The following DLG2 variants were observed in gnomAD, a reference collection of about 807,000 sequenced individuals.
The protein encoded by DLG2 is discs large MAGUK scaffold protein 2, also known as disks large homolog 2.
Under a neutral mutation model 132.5 loss-of-function variants are expected in DLG2, and 45 were observed. The ratio of observed to expected loss-of-function variants is 0.34; its 90% CI spans 0.27 to 0.44. The LOEUF (loss-of-function observed/expected upper bound fraction) is 0.44. Ranked by LOEUF, DLG2 falls within the 20% of genes least tolerant of loss-of-function variation. The pLI is 1.00. For synonymous variants in DLG2, 424 were observed against 419.6 expected (o/e 1.01, Z -0.13); for missense variants, 1,045 against 1,196.9 (o/e 0.87, Z 1.87).
At chr11:85,428,990 C>T (rs2090978197) in intron 3 of DLG2, among the ~76,000 whole-genome samples, 1 of 152,250 alleles carries the variant, frequency 6.6e-6, no homozygotes, top group Admixed American at 6.5e-5. Context: ...TCAGAGAATA[C>T]TATAAACACC....
At chr11:84,557,936 A>G (rs1473142556) in intron 6 of DLG2, among the ~76,000 whole-genome samples, 2 of 152,122 alleles carry the variant, frequency 1.3e-5, no homozygotes, top group Admixed American at 6.6e-5. Context: ...TTTACAAACT[A>G]TCAGCAACAT....
intron 17 of DLG2, among the ~76,000 whole-genome samples, chr11:83,810,139 G>T (rs1565159350): frequency 6.6e-6 from 1 of 152,036 alleles, no homozygotes; most frequent in Non-Finnish European, 1.5e-5. Context: ...TTTCAGGCTT[G>T]TGAGTGTTTG....
At chr11:83,648,687 T>C (rs2069040125) in intron 18 of DLG2, among the ~76,000 whole-genome samples, 1 of 152,162 alleles carries the variant, frequency 6.6e-6, no homozygotes, top group African/African-American at 2.4e-5. Context: ...TTAATATTAC[T>C]ACTACAATAT....
intron 3 of DLG2, among the ~76,000 whole-genome samples, chr11:85,461,144 C>G (rs891660653): frequency 1.3e-5 from 2 of 152,126 alleles, no homozygotes; most frequent in African/African-American, 4.8e-5. Flanking sequence ...CCAGGGAATC[C>G]AGCATATCAA....
intron 7 of DLG2, among the ~76,000 whole-genome samples, chr11:84,455,785 T>C (rs569622309): frequency 3.6e-4 from 54 of 151,420 alleles, no homozygotes; most frequent in African/African-American, 1.3e-3. Context: ...GGACTCCACA[T>C]CCAGGAACAT....
intron 3 of DLG2, among the ~76,000 whole-genome samples, chr11:85,449,939 C>T (rs2092171400): frequency 6.6e-6 from 1 of 151,988 alleles, no homozygotes; most frequent in Admixed American, 6.6e-5. Flanking sequence ...ACCAGCCTGA[C>T]CAACATGGAG....
rs185939828 is a variant in DLG2 at position 84,932,018 on chromosome 11, G to C, written c.357+179643C>G. 1.7e-4 allele frequency among the ~76,000 whole-genome samples: 26 copies of C among 152,182 alleles called. No homozygotes were observed. The East Asian group carries it at 4.6e-3, about 27-fold the overall frequency. On this transcript the variant is annotated intron_variant, in intron 6 of 27. Coordinates refer to ENST00000376104, the MANE Select transcript of DLG2 (RefSeq NM_001142699.3). The stretch of plus-strand genomic sequence containing the variant: ...AGCTCCTTACACATGCTTATTATTA[G>C]ACCTTTGTTGAATGAATACTTTGCA...
At chr11:83,735,851 C>A (rs952556591) in intron 18 of DLG2, among the ~76,000 whole-genome samples, 3 of 152,074 alleles carry the variant, frequency 2.0e-5, no homozygotes, top group African/African-American at 7.2e-5. Context: ...AAAGACAGGT[C>A]CAGGGAAATG....
intron 18 of DLG2, among the ~76,000 whole-genome samples, chr11:83,633,782 A>ACACACACACAC (rs1555268407): frequency 2.7e-5 from 4 of 148,012 alleles, no homozygotes; most frequent in South Asian, 2.2e-4. Context: ...ACACACACAC[A>ACACACACACAC]ACTGCGGAAA....
At chr11:84,471,788 T>C (rs2099109095) in intron 7 of DLG2, among the ~76,000 whole-genome samples, 1 of 151,788 alleles carries the variant, frequency 6.6e-6, no homozygotes, top group African/African-American at 2.4e-5. Flanking sequence ...CCTACTTTCT[T>C]GTAAAACTCT....
chr11:83,697,399 G>T (rs2082125408), intron 18 of DLG2, among the ~76,000 whole-genome samples: 1 of 152,204 alleles, frequency 6.6e-6, no homozygotes, highest in Admixed American at 6.5e-5. Context: ...CTGGCTTGTT[G>T]TAATACTAAT....
intron 21 of DLG2, among the ~76,000 whole-genome samples, chr11:83,518,239 C>A (rs1003887523): frequency 1.3e-5 from 2 of 152,222 alleles, no homozygotes. Context: ...CCTCCCCCAG[C>A]CTTGCTGCCA....
intron 6 of DLG2, among the ~76,000 whole-genome samples, chr11:84,969,155 A>G (rs1442410332): frequency 1.3e-5 from 2 of 152,152 alleles, no homozygotes; most frequent in Non-Finnish European, 2.9e-5. Flanking sequence ...TAATACCTTA[A>G]TAACATTTTG....
At chr11:83,613,075 T>G (rs1408567860) in intron 19 of DLG2, among the ~76,000 whole-genome samples, 1 of 152,160 alleles carries the variant, frequency 6.6e-6, no homozygotes, top group African/African-American at 2.4e-5. Context: ...GCCAACCAAT[T>G]GCAGAGGCCT....
At chr11:84,289,957 G>A (rs1259049249) in intron 7 of DLG2, among the ~76,000 whole-genome samples, 1 of 152,094 alleles carries the variant, frequency 6.6e-6, no homozygotes, top group East Asian at 1.9e-4. Context: ...ATTACATAAG[G>A]GGCTTGCAGA....
intron 3 of DLG2, among the ~76,000 whole-genome samples, chr11:85,468,272 T>C (rs2092867565): frequency 6.6e-6 from 1 of 152,216 alleles, no homozygotes; most frequent in African/African-American, 2.4e-5. Context: ...GCTCCTGGAT[T>C]CATTGATTTT....
chr11:84,339,922 A>C (rs1261704997), intron 7 of DLG2, among the ~76,000 whole-genome samples: 1 of 152,178 alleles, frequency 6.6e-6, no homozygotes, highest in African/African-American at 2.4e-5. Flanking sequence ...CTTCAGTATC[A>C]GTAAATCTCC....
intron 2 of DLG2, among the ~76,000 whole-genome samples, chr11:85,605,960 A>C (rs2080504237): frequency 6.6e-6 from 1 of 152,166 alleles, no homozygotes; most frequent in Admixed American, 6.5e-5. Flanking sequence ...CATGGGTGAC[A>C]GACAGAGATT....
rs1254738628 is a variant in DLG2 at position 85,470,212 on chromosome 11, G to T, written c.40+128445C>A. 4.8e-4 allele frequency among the ~76,000 whole-genome samples: 66 copies of T among 138,694 alleles called. 1 individual carries two copies. The highest frequency in any genetic ancestry group is 7.7e-4 in the Non-Finnish European group (49 of 63,936). The allele number at this position is 138,694 out of a possible 152,430, so 91.0% of individuals were successfully genotyped here. A position where few individuals can be genotyped will look rare whatever the true frequency, so the allele number is the denominator to read the frequency against. On this transcript the variant is annotated intron_variant, in intron 3 of 27. Coordinates refer to ENST00000376104, the MANE Select transcript of DLG2 (RefSeq NM_001142699.3). ...CATGAAAACCAAATTAATCTACTTG[G>T]TTTTTTTTTTTAATAAAAATCCCCC...
Sources: gnomAD v4.1 joint callset for allele counts (sites outside exome capture counted in the v4.1 genomes callset) on GRCh38, gnomAD v4.1.1 for gene constraint, MANE v1.5 for transcripts, NCBI Gene and HGNC (gene_info 2026-07-23, HGNC 2026-07-21) for gene names.